Variants in SACS observed in about 807,000 individuals in gnomAD.
The protein encoded by SACS is sacsin.
A neutral mutation model predicts 348.0 loss-of-function variants in SACS; 197 were observed. The observed-to-expected ratio is 0.57, with a 90% CI of 0.50 to 0.64. The LOEUF (loss-of-function observed/expected upper bound fraction) is 0.64, where lower values mean the gene tolerates loss of function less well. SACS is among the 30% of genes least tolerant of loss of function. SACS has a pLI of 0.00. For synonymous variants in SACS, 1,985 were observed against 1,910.6 expected (o/e 1.04, Z -1.02); for missense variants, 4,999 against 5,360.8 (o/e 0.93, Z 2.11).
At position 23,375,396 on chromosome 13, in the gene SACS, T is replaced by G. The variant is rs537117352; in HGVS notation, c.21-127A>C. ...GGCAGGCGCCCCTAGCGCCCGCCCC[T>G]GACGCCGGCGCCCGATCACGGCCGG... On this transcript the variant is annotated intron_variant, in intron 2 of 9. Coordinates refer to ENST00000382292, the MANE Select transcript of SACS (RefSeq NM_014363.6). The G allele has an allele frequency of 7.7e-4, 956 of 1,236,116 alleles. 1 individual carries two copies. The highest frequency in any genetic ancestry group is 5.4e-3 in the African/African-American group (343 of 63,456). The allele number at this position is 1,236,116 out of a possible 1,614,324, so 76.6% of individuals were successfully genotyped here. A position where few individuals can be genotyped will look rare whatever the true frequency, so the allele number is the denominator to read the frequency against.
At chr13:23,406,624 C>G (rs1303299386) in intron 2 of SACS, among the ~76,000 whole-genome samples, 1 of 152,108 alleles carries the variant, frequency 6.6e-6, no homozygotes, top group African/African-American at 2.4e-5. Context: ...GAATTCGTAT[C>G]ATGAATTTTA....
At chr13:23,370,128 G>A (rs577150373) in intron 4 of SACS, among the ~76,000 whole-genome samples, 1 of 152,306 alleles carries the variant, frequency 6.6e-6, no homozygotes, top group African/African-American at 2.4e-5. Flanking sequence ...AAAGTGCTGG[G>A]ATTACAAGTG....
intron 2 of SACS, among the ~76,000 whole-genome samples, chr13:23,379,766 T>C (rs1174099684): frequency 6.6e-6 from 1 of 152,088 alleles, no homozygotes; most frequent in Non-Finnish European, 1.5e-5. Flanking sequence ...AAATATAATT[T>C]CAACATAAAA....
Position 23,340,187 on chromosome 13 carries a change from A to G in SACS, c.3689T>C (p.Ile1230Thr). ...SLSAVLKHFK[I>T]VVDWYSSKTF... ...TTTTGAAGAATACCAATCAACAACA[A>G]TTTTAAAGTGTTTTAAGACAGCACT... Residue 1230 changes from isoleucine to threonine, a missense_variant, in exon 10 of 10, where the codon ATT becomes ACT. Ile to Thr is a moderately conservative substitution (Grantham distance 89). Coordinates refer to ENST00000382292, the MANE Select transcript of SACS (RefSeq NM_014363.6). 1 of 1,612,822 alleles carries G rather than the reference A, an allele frequency of 6.2e-7. No individual in the cohort carries two copies. The highest frequency in any genetic ancestry group is 8.5e-7 in the Non-Finnish European group (1 of 1,179,280).
chr13:23,408,452 T>G (rs1390715965), intron 2 of SACS, among the ~76,000 whole-genome samples: 2 of 152,254 alleles, frequency 1.3e-5, no homozygotes, highest in Non-Finnish European at 2.9e-5. Flanking sequence ...TTCAGATGAA[T>G]ATATTTAATA....
In SACS at chr13:23,331,699, A is replaced by G. The variant is rs1420571095; in HGVS notation, c.12177T>C (p.Val4059=). Residue 4059 remains valine, a synonymous_variant, in exon 10 of 10, where the codon GTT becomes GTC. Coordinates refer to ENST00000382292, the MANE Select transcript of SACS (RefSeq NM_014363.6). ...TGTGGGGAATAGGATTAAAACCTTT[A>G]ACTCTTAATGTTGTTTGAAGCTTTT... The part of the protein sequence containing the change: ...CFEKLQTTLR[V]KGFNPIPHSR... 1 of 1,613,974 alleles carries G rather than the reference A, an allele frequency of 6.2e-7. No homozygotes were observed. The highest frequency in any genetic ancestry group is 2.2e-5 in the East Asian group (1 of 44,878).
At chr13:23,346,961 A>C in intron 9 of SACS, 1 of 209,860 alleles carries the variant, frequency 4.8e-6, no homozygotes, top group Non-Finnish European at 8.3e-6. Context: ...ATCCTTATGT[A>C]AAAGAAAACC....
intron 6 of SACS, among the ~76,000 whole-genome samples, chr13:23,361,955 C>T (rs1010340638): frequency 7.2e-5 from 11 of 152,128 alleles, no homozygotes; most frequent in African/African-American, 2.7e-4. Context: ...GATGACAGAC[C>T]TCTAGGCAAG....
intron 1 of SACS, among the ~76,000 whole-genome samples, chr13:23,430,906 C>A (rs577117127): frequency 6.6e-6 from 1 of 152,268 alleles, no homozygotes; most frequent in East Asian, 1.9e-4. Context: ...TTCACATCGT[C>A]GTCAATTTGA....
chr13:23,359,885 T>C (rs1367848041), intron 6 of SACS, among the ~76,000 whole-genome samples: 1 of 152,104 alleles, frequency 6.6e-6, no homozygotes, highest in African/African-American at 2.4e-5. Flanking sequence ...GGGACAGACA[T>C]GGGGATGTGA....
chr13:23,366,395 A>G (rs557816758), intron 5 of SACS, among the ~76,000 whole-genome samples: 2 of 152,098 alleles, frequency 1.3e-5, no homozygotes, highest in Non-Finnish European at 2.9e-5. Context: ...TGCCTCCTGC[A>G]GCCTCATTAT....
intron 9 of SACS, among the ~76,000 whole-genome samples, chr13:23,343,546 G>A (rs1184540111): frequency 2.0e-5 from 3 of 152,086 alleles, no homozygotes; most frequent in East Asian, 1.9e-4. Flanking sequence ...TTAGCCGGGC[G>A]TGGTGGCAGG....
chr13:23,331,851 C>T lies in SACS; in HGVS notation c.12025G>A (p.Glu4009Lys), dbSNP rs990358595. Residue 4009 changes from glutamate (E) to lysine (K), a missense_variant, in exon 10 of 10, where the codon GAA (glutamate) becomes AAA (lysine). By Grantham distance (56) the Glu-to-Lys change is moderately conservative. Coordinates refer to ENST00000382292, the MANE Select transcript of SACS (RefSeq NM_014363.6). ...CTAATCAGTCCTGTAATGAACTGTTCAGAAGACAAGAGTAACTGCAATCTT... is the reference window on the plus strand; with the variant it reads ...CTAATCAGTCCTGTAATGAACTGTTTAGAAGACAAGAGTAACTGCAATCTT... ...QGRLQLLLSS[E>K]QFITGLIRIM... 1.2e-6 allele frequency: 2 copies of T among 1,614,010 alleles called. No homozygotes were observed. Among genetic ancestry groups the T allele is most frequent in the Admixed American group, 1.7e-5 (1 of 60,002 alleles).
chr13:23,375,340 C>G, intron 2 of SACS, 71 bp from the exon 3 acceptor site: 1 of 1,337,630 alleles, frequency 7.5e-7, no homozygotes. Flanking sequence ...GCGCGGCCTC[C>G]ACCCGCGTTA....
intron 2 of SACS, among the ~76,000 whole-genome samples, chr13:23,391,246 G>A (rs1321182849): frequency 2.0e-5 from 3 of 152,190 alleles, no homozygotes; most frequent in Non-Finnish European, 2.9e-5. Context: ...AAGAGGCACG[G>A]AAGTCAGGCA....
chr13:23,414,451 T>C (rs1423014550), intron 1 of SACS, among the ~76,000 whole-genome samples: 1 of 152,228 alleles, frequency 6.6e-6, no homozygotes, highest in East Asian at 1.9e-4. Context: ...GTGCTCGGCC[T>C]CTGTAGGAAC....
chr13:23,369,129 A>G (rs1871234574), intron 4 of SACS, among the ~76,000 whole-genome samples: 1 of 152,238 alleles, frequency 6.6e-6, no homozygotes, highest in Non-Finnish European at 1.5e-5. Context: ...AATAAAATAA[A>G]TGATGTTATT....
chr13:23,386,442 C>T (rs184279603), intron 2 of SACS, among the ~76,000 whole-genome samples: 1 of 152,336 alleles, frequency 6.6e-6, no homozygotes, highest in Admixed American at 6.5e-5. Flanking sequence ...TCTGCAGCTT[C>T]CTCACCTTTC....
intron 1 of SACS, among the ~76,000 whole-genome samples, chr13:23,417,648 G>A (rs1873737918): frequency 6.6e-6 from 1 of 152,128 alleles, no homozygotes; most frequent in Non-Finnish European, 1.5e-5. Flanking sequence ...AAGCACATAA[G>A]TGAGAAAATC....
Sources: allele counts gnomAD v4.1 joint callset (sites outside exome capture counted in the v4.1 genomes callset), GRCh38; gene constraint gnomAD v4.1.1; transcripts MANE v1.5; gene names NCBI Gene and HGNC (gene_info 2026-07-23, HGNC 2026-07-21).